Variants in PHF20L1 observed in about 807,000 individuals in gnomAD.
PHF20L1 encodes PHD finger protein 20 like 1.
Under a neutral mutation model 125.5 loss-of-function variants are expected in PHF20L1, and 44 were observed. The observed-to-expected ratio is 0.35, with a 90% CI of 0.28 to 0.45. The LOEUF is 0.45. Ranked by LOEUF, PHF20L1 falls within the 20% of genes least tolerant of loss-of-function variation. The pLI is 1.00. For missense variants in PHF20L1, 1,012 were observed against 1,217.2 expected (o/e 0.83, Z 2.51); for synonymous variants, 380 against 403.1 (o/e 0.94, Z 0.69).
chr8:132,806,385 T>C (rs1469510014), intron 8 of PHF20L1: 3 of 152,048 alleles, frequency 2.0e-5, no homozygotes, highest in African/African-American at 7.2e-5. Context: ...AAGTTTGTAA[T>C]ACTGGTTGCT....
chr8:132,817,853 A>G (rs1182848408), intron 12 of PHF20L1: 2 of 217,224 alleles, frequency 9.2e-6, no homozygotes, highest in Non-Finnish European at 1.8e-5. Context: ...AAGTATAGTT[A>G]CAGGAATTCT....
intron 12 of PHF20L1, among the ~76,000 whole-genome samples, chr8:132,822,317 A>G (rs936218147): frequency 6.6e-6 from 1 of 151,968 alleles, no homozygotes; most frequent in East Asian, 1.9e-4. Context: ...TAAGGGGTGC[A>G]CACATTCCAT....
intron 15 of PHF20L1, among the ~76,000 whole-genome samples, chr8:132,835,848 C>T (rs1837297717): frequency 6.6e-6 from 1 of 152,062 alleles, no homozygotes; most frequent in African/African-American, 2.4e-5. Flanking sequence ...CTTAATATAG[C>T]ACTGTGTGCT....
intron 8 of PHF20L1, among the ~76,000 whole-genome samples, chr8:132,805,026 GGTA>G (rs1290389314): frequency 3.3e-5 from 5 of 151,770 alleles, no homozygotes; most frequent in African/African-American, 4.8e-5. Flanking sequence ...TTACATTTGT[GGTA>G]GTAGTAGTTT....
At chr8:132,831,172 C>G (rs549556504) in intron 14 of PHF20L1, among the ~76,000 whole-genome samples, 1 of 152,032 alleles carries the variant, frequency 6.6e-6, no homozygotes, top group Admixed American at 6.6e-5. Context: ...TCTTGCTCCT[C>G]CTCCACATAA....
chr8:132,817,714 T>C (rs235435), intron 12 of PHF20L1, 169 bp downstream of exon 12: 6 of 587,652 alleles, frequency 1.0e-5, no homozygotes, highest in Non-Finnish European at 1.8e-5. Flanking sequence ...TAAAGGTCTT[T>C]TGTGTGATCA....
rs759581493 is a variant in PHF20L1 at position 132,794,786 on chromosome 8, C to T, written c.309C>T (p.Tyr103=). ...VLARWTDCRY[Y]PAKIEAINKE... is the part of the protein sequence containing the mutation. ...CTCGTTGGACAGACTGTCGCTATTA[C>T]CCTGCCAAGATTGAAGCAATTAACA... Residue 103 remains tyrosine (Y), a synonymous_variant, in exon 4 of 21, where the codon TAC becomes TAT. Transcript: ENST00000395386. 7 of 1,612,110 alleles carry T rather than the reference C, an allele frequency of 4.3e-6. No individual in the cohort carries two copies. In the East Asian group the frequency reaches 1.1e-4, roughly 26 times the overall value.
In PHF20L1 at chr8:132,846,775, AG is replaced by A. The variant is rs1343095076; in HGVS notation, c.*853del. On this transcript the variant is annotated 3_prime_UTR_variant, in exon 21 of 21. Transcript: ENST00000395386. The stretch of plus-strand genomic sequence containing the variant: ...TATATCATATATATAGTTGAATGGC[AG>A]TATTCAGGCTCAACGTACAGTTTGA... The A allele has an allele frequency of 2.0e-5, 3 of 152,406 alleles. No homozygotes were observed. The highest frequency in any genetic ancestry group is 7.2e-5 in the African/African-American group (3 of 41,456). 9.4% of individuals were successfully genotyped at this position (152,406 alleles called of 1,614,324 possible).
rs1249673870 is a variant in PHF20L1 at position 132,846,762 on chromosome 8, A to G, written c.*839A>G. On this transcript the variant is annotated 3_prime_UTR_variant, in exon 21 of 21. Transcript: ENST00000395386. Reference sequence around the variant, plus strand: ...CACCTATACTATATATATCATATATATAGTTGAATGGCAGTATTCAGGCTC... The same window carrying G: ...CACCTATACTATATATATCATATATGTAGTTGAATGGCAGTATTCAGGCTC... 1 of 152,348 alleles carries G rather than the reference A, an allele frequency of 6.6e-6. No individual in the cohort carries two copies. The highest frequency in any genetic ancestry group is 2.4e-5 in the African/African-American group (1 of 41,354). The allele number at this position is 152,348 out of a possible 1,614,324, so 9.4% of individuals were successfully genotyped here. A position where few individuals can be genotyped will look rare whatever the true frequency, so the allele number is the denominator to read the frequency against.
At chr8:132,820,332 G>A (rs1366507708) in intron 12 of PHF20L1, among the ~76,000 whole-genome samples, 2 of 151,744 alleles carry the variant, frequency 1.3e-5, no homozygotes, top group African/African-American at 4.8e-5. Context: ...AATACTCTTG[G>A]TTCAGGTTCT....
chr8:132,828,864 T>C (rs1790302888), intron 14 of PHF20L1, among the ~76,000 whole-genome samples: 1 of 152,056 alleles, frequency 6.6e-6, no homozygotes, highest in Admixed American at 6.6e-5. Context: ...AAGCATTGCA[T>C]AGTAAAAAAG....
chr8:132,824,553 T>A (rs1835944944), intron 13 of PHF20L1: 1 of 156,754 alleles, frequency 6.4e-6, no homozygotes. Context: ...TCACTGAAAG[T>A]TGGTCAAATA....
chr8:132,782,840 C>T (rs530106367), intron 2 of PHF20L1, among the ~76,000 whole-genome samples: 1 of 151,614 alleles, frequency 6.6e-6, no homozygotes, highest in African/African-American at 2.4e-5. Context: ...CTCATGGGCT[C>T]AAGCAGTTTT....
intron 9 of PHF20L1, 145 bp downstream of exon 9, chr8:132,811,273 T>C: frequency 1.4e-6 from 2 of 1,426,146 alleles, no homozygotes; most frequent in Non-Finnish European, 1.8e-6. Flanking sequence ...TAACTCTGCC[T>C]TCTCCAAGGT....
intron 2 of PHF20L1, among the ~76,000 whole-genome samples, chr8:132,783,842 T>C (rs886907752): frequency 6.6e-6 from 1 of 152,198 alleles, no homozygotes. Context: ...CATAAGTTCA[T>C]AGAAAACGTA....
chr8:132,779,178 C>T (rs141039816), intron 2 of PHF20L1, among the ~76,000 whole-genome samples: 183 of 152,298 alleles, frequency 1.2e-3, no homozygotes, highest in African/African-American at 4.2e-3. Flanking sequence ...TTAATCGATA[C>T]TGTCACTAGG....
Position 132,793,909 on chromosome 8 carries a change from G to GT in PHF20L1, c.84-495dup, listed in dbSNP as rs1342200980. Among the ~76,000 whole-genome samples, 3 of 152,142 alleles carry GT rather than the reference G, an allele frequency of 2.0e-5. No individual in the cohort carries two copies. In the East Asian group the frequency reaches 5.8e-4, roughly 29 times the overall value. On this transcript the variant is annotated intron_variant, in intron 2 of 20. Transcript: ENST00000395386. The stretch of plus-strand genomic sequence containing the variant: ...TATATTTATGCTAAATAGAGTTCTT[G>GT]TTTTTTACATTTTCCCCACATTGTA...
Position 132,839,524 on chromosome 8 carries a change from G to A in PHF20L1, c.2329G>A (p.Asp777Asn). The A allele has an allele frequency of 5.0e-6, 8 of 1,613,468 alleles. No individual in the cohort carries two copies. Among genetic ancestry groups the A allele is most frequent in the African/African-American group, 1.3e-5 (1 of 74,980 alleles). ...AGTTTCTACACATCACCTGCTTGCT[G>A]ATGTCTATGGTGTTACAGAAGTGCT... ...KIVSTHHLLA[D>N]VYGVTEVLHG... The change falls in exon 18 of 21, where the codon GAT becomes AAT. Residue 777 changes from aspartate (D) to asparagine (N), a missense_variant. Around this residue, in one of 7 missense-constraint regions of PHF20L1, gnomAD observed 55 missense variants for 114.8 expected, o/e 0.48. Transcript: ENST00000395386.
chr8:132,811,383 T>TATA, intron 9 of PHF20L1: 1 of 1,160,268 alleles, frequency 8.6e-7, no homozygotes, highest in Non-Finnish European at 1.1e-6. Context: ...CATCCCAGGG[T>TATA]ATAAGCTTCC....
Sources: allele counts gnomAD v4.1 joint callset (sites outside exome capture counted in the v4.1 genomes callset), GRCh38; gene constraint gnomAD v4.1.1; regional missense constraint gnomAD v4.1.1; transcripts MANE v1.5; gene names NCBI Gene and HGNC (gene_info 2026-07-23, HGNC 2026-07-21).